The following ZMYND8 variants were observed in gnomAD, a reference collection of about 807,000 sequenced individuals.
The protein encoded by ZMYND8 is zinc finger MYND-type containing 8.
Under a neutral mutation model 140.8 loss-of-function variants are expected in ZMYND8, and 37 were observed. That is an observed-to-expected ratio of 0.26 (90% CI 0.20 to 0.35). The LOEUF (loss-of-function observed/expected upper bound fraction) is 0.35. Among genes scored for constraint, ZMYND8 ranks in the 10% least tolerant of loss-of-function variants. The pLI is 1.00. For missense variants in ZMYND8, 1,068 were observed against 1,570.0 expected (o/e 0.68, Z 5.40); for synonymous variants, 592 against 597.1 (o/e 0.99, Z 0.12).
chr20:47,282,651 G>C (rs1219193346), intron 9 of ZMYND8, among the ~76,000 whole-genome samples: 1 of 151,778 alleles, frequency 6.6e-6, no homozygotes, highest in Non-Finnish European at 1.5e-5. Flanking sequence ...CTTGAACGCA[G>C]GAGGTGGAGG....
rs191899850 is a variant in ZMYND8, at chr20:47,214,017, A to G, written c.3485-1292T>C. Among the ~76,000 whole-genome samples, 1,163 of 152,120 alleles carry G rather than the reference A, an allele frequency of 7.6e-3. 18 individuals are homozygous for G. Among genetic ancestry groups the G allele is most frequent in the African/African-American group, 0.026 (1,097 of 41,544 alleles). On this transcript the variant is annotated intron_variant, in intron 21 of 22. Coordinates refer to ENST00000471951, the MANE Select transcript of ZMYND8 (RefSeq NM_001281775.3). ...AAAGATGAACAGGAGAGGCCCACAC[A>G]CTAAGGGAGCTCATACCCCTAACTA...
At chr20:47,215,110 C>T (rs1240146768) in intron 21 of ZMYND8, among the ~76,000 whole-genome samples, 2 of 152,068 alleles carry the variant, frequency 1.3e-5, no homozygotes, top group African/African-American at 2.4e-5. Context: ...TGGTGGCTCA[C>T]GCCTGTAATC....
At chr20:47,287,383 C>A in intron 7 of ZMYND8, 99 bp from the exon 8 acceptor site, 1 of 1,061,756 alleles carries the variant, frequency 9.4e-7, no homozygotes, top group East Asian at 2.5e-5. Context: ...TTGCTTTTCC[C>A]CCAGGATTAA....
chr20:47,317,880 C>T (rs926960939), intron 2 of ZMYND8, among the ~76,000 whole-genome samples: 4 of 152,172 alleles, frequency 2.6e-5, no homozygotes, highest in Admixed American at 6.5e-5. Context: ...GAGTTTACCA[C>T]TTTACAAGTG....
At chr20:47,217,822 A>C (rs2036341618) in intron 21 of ZMYND8, among the ~76,000 whole-genome samples, 1 of 152,152 alleles carries the variant, frequency 6.6e-6, no homozygotes, top group Non-Finnish European at 1.5e-5. Flanking sequence ...CCACGAAGAT[A>C]GGCATTTATC....
intron 12 of ZMYND8, 69 bp downstream of exon 12, chr20:47,262,219 A>C: frequency 1.2e-6 from 2 of 1,606,760 alleles, no homozygotes; most frequent in Middle Eastern, 3.3e-4. Flanking sequence ...CACATACACA[A>C]GAGGATACGT....
At chr20:47,281,586 A>G (rs1000838120) in intron 10 of ZMYND8, among the ~76,000 whole-genome samples, 1 of 152,156 alleles carries the variant, frequency 6.6e-6, no homozygotes, top group African/African-American at 2.4e-5. Flanking sequence ...GAGGGCAGGA[A>G]GGCTGGGAGG....
At chr20:47,280,307 A>T (rs2147846359) in intron 10 of ZMYND8, among the ~76,000 whole-genome samples, 1 of 152,244 alleles carries the variant, frequency 6.6e-6, no homozygotes, top group East Asian at 1.9e-4. Flanking sequence ...GCAGGTGCTG[A>T]GAGGGGCTTC....
In ZMYND8 at chr20:47,276,690, A is replaced by C; in HGVS notation, c.1104T>G (p.Val368=). The C allele has an allele frequency of 4.3e-6, 7 of 1,613,838 alleles. No homozygotes were observed. Among genetic ancestry groups the C allele is most frequent in the Non-Finnish European group, 5.9e-6 (7 of 1,179,980 alleles). Residue 368 remains valine, a synonymous_variant, in exon 11 of 23, where the codon GTT becomes GTG. Coordinates refer to ENST00000471951, the MANE Select transcript of ZMYND8 (RefSeq NM_001281775.3). Reference sequence around the variant, plus strand: ...ACTTCCTGCGGATGTTCTCCACGTAAACCTCCATCTCTTGCATGGCACTGT... The same window carrying C: ...ACTTCCTGCGGATGTTCTCCACGTACACCTCCATCTCTTGCATGGCACTGT... ...IFNSAMQEME[V]YVENIRRKFG...
intron 1 of ZMYND8, among the ~76,000 whole-genome samples, chr20:47,350,328 GAAAAAAAAA>G (rs3084684): frequency 5.4e-5 from 5 of 93,250 alleles, no homozygotes; most frequent in East Asian, 4.0e-4. Flanking sequence ...ATTAAAAGGA[GAAAAAAAAA>G]AAAAAAAAAA....
At chr20:47,272,064 GGGA>G (rs1199182425) in intron 11 of ZMYND8, among the ~76,000 whole-genome samples, 2 of 151,510 alleles carry the variant, frequency 1.3e-5, no homozygotes, top group African/African-American at 4.8e-5. Flanking sequence ...AAAGGGGGGG[GGGA>G]GTAATATGAA....
At chr20:47,240,881 G>C (rs1398684714) in intron 14 of ZMYND8, among the ~76,000 whole-genome samples, 1 of 152,040 alleles carries the variant, frequency 6.6e-6, no homozygotes, top group Non-Finnish European at 1.5e-5. Context: ...TAAAGAGATA[G>C]AGTTTTGCTA....
chr20:47,313,223 G>GA (rs56704156), intron 2 of ZMYND8, among the ~76,000 whole-genome samples: 244 of 125,932 alleles, frequency 1.9e-3, no homozygotes, highest in Middle Eastern at 8.5e-3. Context: ...CACTGTCTCT[G>GA]AAAAAAAAAA....
intron 15 of ZMYND8, chr20:47,237,809 G>GA (rs1260298976): frequency 6.6e-6 from 1 of 152,130 alleles, no homozygotes; most frequent in Non-Finnish European, 1.5e-5. Context: ...TTTCCTGGTA[G>GA]AAAGATCTAC....
chr20:47,339,004 G>A (rs1246496834), intron 2 of ZMYND8, among the ~76,000 whole-genome samples: 3 of 142,882 alleles, frequency 2.1e-5, no homozygotes, highest in East Asian at 4.1e-4. Flanking sequence ...ACAGAGTCTC[G>A]CTCTGTCACC....
chr20:47,236,356 G>A lies in ZMYND8; in HGVS notation c.2826C>T (p.Val942=), dbSNP rs1242761831. The part of the protein sequence containing the change: ...DLPIATASAD[V]AADIAKYTSK... ...TAGTGTACTTGGCAATATCAGCGGC[G>A]ACATCAGCTGAGGCAGTGGCGATGG... Residue 942 remains valine, a synonymous_variant, in exon 16 of 23, where the codon GTC becomes GTT. Transcript: ENST00000471951. 13 of 1,614,184 alleles carry A rather than the reference G, an allele frequency of 8.1e-6. No individual in the cohort carries two copies. Among genetic ancestry groups the A allele is most frequent in the South Asian group, 2.2e-5 (2 of 91,074 alleles).
chr20:47,304,648 A>G (rs1362179126), intron 3 of ZMYND8, among the ~76,000 whole-genome samples: 1 of 152,250 alleles, frequency 6.6e-6, no homozygotes, highest in Non-Finnish European at 1.5e-5. Flanking sequence ...GAAAAAAACC[A>G]TAGCTTCAGC....
intron 16 of ZMYND8, among the ~76,000 whole-genome samples, chr20:47,232,933 G>A (rs2038732658): frequency 1.4e-5 from 2 of 141,846 alleles, no homozygotes; most frequent in South Asian, 2.2e-4. Flanking sequence ...AGACAGAGGA[G>A]TTTCGCTCTG....
At position 47,210,169 on chromosome 20, in the gene ZMYND8, C is replaced by G. The variant is rs2035047124; in HGVS notation, c.*592G>C. The stretch of plus-strand genomic sequence containing the variant: ...AGCTTGCGTTTTAGGAACGTGGTAA[C>G]GTAGTAGCTGAAAGGAGCCAACGGC... On this transcript the variant is annotated 3_prime_UTR_variant, in exon 23 of 23. Transcript: ENST00000471951. The G allele has an allele frequency of 6.5e-6, 1 of 152,798 alleles. No individual in the cohort carries two copies. Among genetic ancestry groups the G allele is most frequent in the African/African-American group, 2.4e-5 (1 of 41,434 alleles). The allele number at this position is 152,798 out of a possible 1,614,324, so 9.5% of individuals were successfully genotyped here.
Sources: gnomAD v4.1 joint callset for allele counts (sites outside exome capture counted in the v4.1 genomes callset) on GRCh38, gnomAD v4.1.1 for gene constraint, MANE v1.5 for transcripts, NCBI Gene and HGNC (gene_info 2026-07-23, HGNC 2026-07-21) for gene names.